The following RASGEF1A variants were observed in gnomAD, a reference collection of about 807,000 sequenced individuals.
The protein encoded by RASGEF1A is RasGEF domain family member 1A.
RASGEF1A carries 18 observed loss-of-function variants against 56.4 expected under a neutral mutation model. That is an observed-to-expected ratio of 0.32 (90% CI 0.22 to 0.47). RASGEF1A has a LOEUF of 0.47. Ranked by LOEUF, RASGEF1A falls within the 20% of genes least tolerant of loss-of-function variation. The pLI is 1.00. For synonymous variants in RASGEF1A, 245 were observed against 242.6 expected, an observed-to-expected ratio of 1.01 and a Z score of -0.09; for missense variants, 422 against 627.1, an observed-to-expected ratio of 0.67 and a Z score of 3.49.
At chr10:43,204,373 C>T (rs904511676) in intron 2 of RASGEF1A, among the ~76,000 whole-genome samples, 2 of 152,186 alleles carry the variant, frequency 1.3e-5, no homozygotes, top group South Asian at 4.1e-4. Context: ...CACTGCCCAC[C>T]GCAGCCCTCC....
intron 1 of RASGEF1A, 34 bp downstream of exon 1, chr10:43,266,811 C>T (rs1157915787): frequency 6.9e-6 from 1 of 145,926 alleles, no homozygotes; most frequent in South Asian, 2.1e-4. Flanking sequence ...GGGCGGGGGC[C>T]CCGAGGCACT....
rs1839773034 is a variant in RASGEF1A, at chr10:43,194,845, T to C, written c.*1399A>G. 1 of 152,676 alleles carries C rather than the reference T, an allele frequency of 6.5e-6. No homozygotes were observed. The highest frequency in any genetic ancestry group is 6.5e-5 in the Admixed American group (1 of 15,286). 9.5% of individuals were successfully genotyped at this position (152,676 alleles called of 1,614,324 possible). Reference sequence around the variant, plus strand: ...AACAAAGCAATATGTACTATCAATATACAATCTGTACTAGCTAGAACCTCA... The same window carrying C: ...AACAAAGCAATATGTACTATCAATACACAATCTGTACTAGCTAGAACCTCA... On this transcript the variant is annotated 3_prime_UTR_variant, in exon 13 of 13. Transcript: ENST00000395810.
At chr10:43,244,249 C>G (rs906335832) in intron 1 of RASGEF1A, among the ~76,000 whole-genome samples, 2 of 151,562 alleles carry the variant, frequency 1.3e-5, no homozygotes, top group African/African-American at 4.8e-5. Context: ...CAAACAGGGC[C>G]GAAGGCCGCA....
At chr10:43,260,619 C>G (rs1469093906) in intron 1 of RASGEF1A, among the ~76,000 whole-genome samples, 4 of 152,170 alleles carry the variant, frequency 2.6e-5, no homozygotes, top group Non-Finnish European at 4.4e-5. Flanking sequence ...CCCCAGCAGG[C>G]AGACTCCCGT....
chr10:43,227,073 C>A (rs575556915), intron 1 of RASGEF1A, among the ~76,000 whole-genome samples: 1 of 152,280 alleles, frequency 6.6e-6, no homozygotes, highest in South Asian at 2.1e-4. Flanking sequence ...CCAAGGATAA[C>A]CAGGGGTTTT....
At chr10:43,226,267 C>T (rs889604276) in intron 1 of RASGEF1A, among the ~76,000 whole-genome samples, 10 of 152,126 alleles carry the variant, frequency 6.6e-5, no homozygotes, top group African/African-American at 2.4e-4. Flanking sequence ...CATAGAGAAA[C>T]CCCGTCTCTA....
At chr10:43,260,786 C>T (rs1362255330) in intron 1 of RASGEF1A, among the ~76,000 whole-genome samples, 1 of 152,232 alleles carries the variant, frequency 6.6e-6, no homozygotes, top group African/African-American at 2.4e-5. Flanking sequence ...TGATCCACAG[C>T]GCTCAGCATT....
intron 9 of RASGEF1A, among the ~76,000 whole-genome samples, chr10:43,198,489 T>C (rs949259389): frequency 2.0e-5 from 3 of 152,104 alleles, no homozygotes; most frequent in Non-Finnish European, 4.4e-5. Flanking sequence ...CTCCTCTACT[T>C]AGATCAACAC....
intron 1 of RASGEF1A, among the ~76,000 whole-genome samples, chr10:43,232,589 C>T (rs984036864): frequency 1.3e-4 from 19 of 148,154 alleles, no homozygotes; most frequent in South Asian, 6.5e-4. Context: ...TGGGTTTAAG[C>T]GATTCTCTTG....
chr10:43,210,320 A>C (rs1006055629), intron 1 of RASGEF1A, among the ~76,000 whole-genome samples: 17 of 152,102 alleles, frequency 1.1e-4, no homozygotes, highest in African/African-American at 3.9e-4. Flanking sequence ...ACATTCAAAA[A>C]AAAATTAGCC....
intron 10 of RASGEF1A, 44 bp from the exon 11 acceptor site, chr10:43,197,143 C>A: frequency 6.2e-7 from 1 of 1,604,700 alleles, no homozygotes; most frequent in Non-Finnish European, 8.5e-7. Context: ...TCACCTTAAG[C>A]ACCAAACCCT....
At chr10:43,219,844 T>A (rs1215150532) in intron 1 of RASGEF1A, among the ~76,000 whole-genome samples, 2 of 152,218 alleles carry the variant, frequency 1.3e-5, no homozygotes, top group Non-Finnish European at 2.9e-5. Flanking sequence ...AGCAAAGATT[T>A]TTCCTTTGTG....
At chr10:43,240,967 A>G (rs1356945736) in intron 1 of RASGEF1A, among the ~76,000 whole-genome samples, 1 of 152,196 alleles carries the variant, frequency 6.6e-6, no homozygotes, top group African/African-American at 2.4e-5. Flanking sequence ...TCAACCATGA[A>G]TTCTTTATGC....
At chr10:43,204,607 T>C (rs1839966129) in intron 2 of RASGEF1A, among the ~76,000 whole-genome samples, 1 of 151,804 alleles carries the variant, frequency 6.6e-6, no homozygotes, top group South Asian at 2.1e-4. Flanking sequence ...ATGGAGACCA[T>C]GTGTGCATGT....
intron 1 of RASGEF1A, chr10:43,208,795 G>A (rs1409716810): frequency 2.0e-6 from 2 of 985,502 alleles, no homozygotes; most frequent in Non-Finnish European, 2.4e-6. Context: ...GCCCAGCCAC[G>A]GAGCACTTCG....
At chr10:43,261,114 G>A (rs189091564) in intron 1 of RASGEF1A, among the ~76,000 whole-genome samples, 274 of 151,968 alleles carry the variant, frequency 1.8e-3, no homozygotes, top group African/African-American at 6.0e-3. Context: ...CCTCGGCCCC[G>A]CCCCCTCTGG....
chr10:43,252,195 G>A (rs142527458), intron 1 of RASGEF1A, among the ~76,000 whole-genome samples: 72 of 152,308 alleles, frequency 4.7e-4, no homozygotes, highest in African/African-American at 1.6e-3. Context: ...GTGTGTGCAC[G>A]GTACTGCCAC....
intron 1 of RASGEF1A, among the ~76,000 whole-genome samples, chr10:43,249,612 G>A (rs1840604673): frequency 6.6e-6 from 1 of 152,228 alleles, no homozygotes; most frequent in Admixed American, 6.5e-5. Context: ...TGCCAAGATG[G>A]GACTGAAATG....
intron 1 of RASGEF1A, among the ~76,000 whole-genome samples, chr10:43,266,283 C>T (rs1052753018): frequency 6.6e-6 from 1 of 152,194 alleles, no homozygotes; most frequent in African/African-American, 2.4e-5. Context: ...TCAAATGACC[C>T]TTGCCCAGCA....
Sources: gnomAD v4.1 joint callset for allele counts (sites outside exome capture counted in the v4.1 genomes callset) on GRCh38, gnomAD v4.1.1 for gene constraint, MANE v1.5 for transcripts, NCBI Gene and HGNC (gene_info 2026-07-23, HGNC 2026-07-21) for gene names.